The following RELN variants were observed in gnomAD, a reference collection of about 807,000 sequenced individuals.
RELN encodes the protein reelin.
In RELN, 108 loss-of-function variants were observed where a neutral mutation model predicts 427.6. The ratio of observed to expected loss-of-function variants is 0.25; its 90% CI spans 0.22 to 0.30. RELN has a LOEUF of 0.30. RELN is among the 10% of genes least tolerant of loss of function. The pLI is 1.00. For missense variants in RELN, 3,715 were observed against 4,302.8 expected, an observed-to-expected ratio of 0.86 and a Z score of 3.82; for synonymous variants, 1,524 against 1,513.4, an observed-to-expected ratio of 1.01 and a Z score of -0.16.
At chr7:103,487,181 C>G (rs58184961) in intron 60 of RELN, among the ~76,000 whole-genome samples, 1 of 152,072 alleles carries the variant, frequency 6.6e-6, no homozygotes. Context: ...ACCGCATGTT[C>G]TAATTCATAG....
In RELN at chr7:103,989,283, G is replaced by A. The variant is rs757957218; in HGVS notation, c.74C>T (p.Ala25Val). Residue 25 changes from alanine (A) to valine (V), a missense_variant, in exon 1 of 65, where the codon GCG (alanine) becomes GTG (valine). Around this residue, in one of 4 missense-constraint regions of RELN, gnomAD observed 2,208 missense variants for 2,361.7 expected, o/e 0.93. Coordinates refer to ENST00000428762, the MANE Select transcript of RELN (RefSeq NM_005045.4). The surrounding 1 kb of genome is among the most constrained non-coding windows in gnomAD (Gnocchi z 4.9). ...LLLGATLRAR[A>V]AAGYYPRFSP... ...AAAGCGGGGGTAATAGCCAGCCGCC[G>A]CGCGCGCCCTCAGCGTCGCCCCCAG... The A allele has an allele frequency of 5.6e-6, 9 of 1,612,866 alleles. No homozygotes were observed. Among genetic ancestry groups the A allele is most frequent in the Admixed American group, 1.7e-5 (1 of 59,990 alleles).
At chr7:103,680,856 C>G (rs1249705048) in intron 11 of RELN, among the ~76,000 whole-genome samples, 1 of 152,024 alleles carries the variant, frequency 6.6e-6, no homozygotes, top group Non-Finnish European at 1.5e-5. Context: ...AGGACTGAGC[C>G]TTGGTGCTGG....
intron 3 of RELN, among the ~76,000 whole-genome samples, chr7:103,813,641 A>G (rs933867096): frequency 1.3e-4 from 20 of 152,178 alleles, no homozygotes; most frequent in Non-Finnish European, 2.6e-4. Context: ...CTACGTAAGG[A>G]AAATTTCCAG....
At chr7:103,767,723 A>G (rs1791460634) in intron 4 of RELN, among the ~76,000 whole-genome samples, 1 of 152,202 alleles carries the variant, frequency 6.6e-6, no homozygotes, top group Non-Finnish European at 1.5e-5. Context: ...ATACTTCAAA[A>G]AACACCACAA....
intron 2 of RELN, among the ~76,000 whole-genome samples, chr7:103,899,085 C>A (rs1461947823): frequency 6.6e-6 from 1 of 151,812 alleles, no homozygotes. Context: ...ATCGAATAAA[C>A]GCAATAAAAA....
In RELN at chr7:103,569,195, G is replaced by A. The variant is rs914763615; in HGVS notation, c.4589-2436C>T. The stretch of plus-strand genomic sequence containing the variant: ...AGTAAGGACATTCAAGCAGCCTATG[G>A]ACAGGTCTACAGAGTGAGAAACTGA... On this transcript the variant is annotated intron_variant, in intron 31 of 64. Coordinates refer to ENST00000428762, the MANE Select transcript of RELN (RefSeq NM_005045.4). The surrounding 1 kb of genome is among the most constrained non-coding windows in gnomAD (Gnocchi z 4.0). 8.5e-5 allele frequency among the ~76,000 whole-genome samples: 13 copies of A among 152,224 alleles called. No homozygotes were observed. Among genetic ancestry groups the A allele is most frequent in the Admixed American group, 1.3e-4 (2 of 15,284 alleles).
At chr7:103,630,862 T>TG (rs1554394454) in intron 19 of RELN, among the ~76,000 whole-genome samples, 2 of 143,864 alleles carry the variant, frequency 1.4e-5, no homozygotes, top group Non-Finnish European at 3.0e-5. Context: ...TTTTTTTTGT[T>TG]TTTTTTTTTT....
At chr7:103,786,100 T>C (rs1043380483) in intron 3 of RELN, among the ~76,000 whole-genome samples, 9 of 152,104 alleles carry the variant, frequency 5.9e-5, no homozygotes, top group African/African-American at 1.7e-4. Flanking sequence ...AGGAAATAAG[T>C]TGTAAAGCAA....
chr7:103,773,257 C>T (rs1584481315), intron 4 of RELN, among the ~76,000 whole-genome samples: 2 of 137,560 alleles, frequency 1.5e-5, no homozygotes, highest in Admixed American at 1.4e-4. Context: ...CTCTCCCTCC[C>T]TCCCTCTCTC....
intron 46 of RELN, among the ~76,000 whole-genome samples, chr7:103,532,397 C>T (rs922381404): frequency 2.0e-5 from 3 of 151,886 alleles, no homozygotes; most frequent in Non-Finnish European, 2.9e-5. Flanking sequence ...CACCACGGCA[C>T]ATGTTTACCT....
chr7:103,931,087 C>A (rs2116708052), intron 1 of RELN, among the ~76,000 whole-genome samples: 1 of 152,158 alleles, frequency 6.6e-6, no homozygotes, highest in East Asian at 1.9e-4. Flanking sequence ...GGATCAGATC[C>A]TTTATATAGT....
intron 3 of RELN, among the ~76,000 whole-genome samples, chr7:103,819,249 ATATT>A (rs1306018829): frequency 6.6e-5 from 10 of 152,088 alleles, no homozygotes; most frequent in African/African-American, 2.4e-4. Flanking sequence ...TTTATGACAT[ATATT>A]TATTTACTGA....
chr7:103,693,565 A>G (rs1368791590), intron 10 of RELN, among the ~76,000 whole-genome samples: 16 of 151,054 alleles, frequency 1.1e-4, no homozygotes, highest in Admixed American at 9.3e-4. Context: ...ATAAAAAATA[A>G]AGGATGAAAA....
chr7:103,750,270 G>A (rs1160118655), intron 5 of RELN, among the ~76,000 whole-genome samples: 1 of 152,144 alleles, frequency 6.6e-6, no homozygotes, highest in African/African-American at 2.4e-5. Flanking sequence ...GAGCCACTGT[G>A]CCCAGCTGAG....
rs764945188 is a variant in RELN at position 103,565,281 on chromosome 7, G to A, written c.5207C>T (p.Thr1736Ile). ...KRITVYLPLS[T>I]ISPRTRFRWI... ...GTAGCCAAATGACAATTCTCACATG[G>A]TGGAGAGTGGAAGGTAGACAGTGAT... Residue 1736 changes from threonine (T) to isoleucine (I), a missense_variant, in exon 34 of 65, where the codon ACC (threonine) becomes ATC (isoleucine). This residue lies in a region of RELN where 2,208 missense variants were observed against 2,361.7 expected (regional missense o/e 0.93). Coordinates refer to ENST00000428762, the MANE Select transcript of RELN (RefSeq NM_005045.4). 48 of 1,614,026 alleles carry A rather than the reference G, an allele frequency of 3.0e-5. No individual in the cohort carries two copies. The highest frequency in any genetic ancestry group is 3.8e-5 in the Non-Finnish European group (45 of 1,179,998).
chr7:103,499,164 A>C (rs1043704455), intron 53 of RELN, among the ~76,000 whole-genome samples: 3 of 152,182 alleles, frequency 2.0e-5, no homozygotes, highest in Non-Finnish European at 2.9e-5. Context: ...AGTTTGAAAG[A>C]TGTTTCACCT....
At chr7:103,705,405 T>C (rs978926137) in intron 8 of RELN, among the ~76,000 whole-genome samples, 1 of 152,168 alleles carries the variant, frequency 6.6e-6, no homozygotes, top group Non-Finnish European at 1.5e-5. Context: ...AATAAAATCG[T>C]AACCTTACAG....
intron 1 of RELN, among the ~76,000 whole-genome samples, chr7:103,967,900 C>G (rs1213305961): frequency 6.6e-6 from 1 of 152,200 alleles, no homozygotes; most frequent in African/African-American, 2.4e-5. Context: ...TACACTCTAA[C>G]AACTCATGTG....
At chr7:103,506,049 T>C (rs1281868666) in intron 51 of RELN, among the ~76,000 whole-genome samples, 2 of 151,370 alleles carry the variant, frequency 1.3e-5, no homozygotes, top group Non-Finnish European at 2.9e-5. Flanking sequence ...GAAAAAAGAG[T>C]GAAAAGAAAC....
Sources: gnomAD v4.1 joint callset for allele counts (sites outside exome capture counted in the v4.1 genomes callset) on GRCh38, gnomAD v4.1.1 for gene constraint, gnomAD v4.1.1 regional missense constraint, Gnocchi (gnomAD v3.1) non-coding constraint, MANE v1.5 for transcripts, NCBI Gene and HGNC (gene_info 2026-07-23, HGNC 2026-07-21) for gene names.